The following ITIH2 variants were observed in gnomAD, a reference collection of about 807,000 sequenced individuals.
ITIH2 encodes the protein inter-alpha-trypsin inhibitor heavy chain 2, also known as inter-alpha-trypsin inhibitor heavy chain H2.
A neutral mutation model predicts 104.4 loss-of-function variants in ITIH2; 103 were observed. The observed-to-expected ratio is 0.99, with a 90% CI of 0.84 to 1.16. The LOEUF is 1.16. ITIH2 is among the 50% of genes most tolerant of loss of function. The pLI, the probability that ITIH2 is intolerant of heterozygous loss-of-function variation, is 0.00. For synonymous variants in ITIH2, 436 were observed against 435.4 expected (o/e 1.00, Z -0.02); for missense variants, 1,108 against 1,162.4 (o/e 0.95, Z 0.68).
Position 7,705,966 on chromosome 10 carries a change from G to A in ITIH2, c.159+784G>A, listed in dbSNP as rs137883039. Among the ~76,000 whole-genome samples, 221 of 152,230 alleles carry A rather than the reference G, an allele frequency of 1.5e-3. 1 individual carries two copies. Among genetic ancestry groups the A allele is most frequent in the African/African-American group, 5.2e-3 (214 of 41,546 alleles). On this transcript the variant is annotated intron_variant, in intron 2 of 20. Coordinates refer to ENST00000358415, the MANE Select transcript of ITIH2 (RefSeq NM_002216.3). ...TAGACAAAACCCTCTAATTAAGGGG[G>A]TGAGTTTTCCAGAACACCAGGAAGG...
chr10:7,729,175 G>A (rs1344205495), intron 11 of ITIH2, among the ~76,000 whole-genome samples: 1 of 152,082 alleles, frequency 6.6e-6, no homozygotes, highest in Admixed American at 6.5e-5. Context: ...TAGCCTGACA[G>A]GGCGGCGTGT....
Position 7,744,902 on chromosome 10 carries a change from C to T in ITIH2, c.2520C>T (p.Asp840=). 1 of 1,614,132 alleles carries T rather than the reference C, an allele frequency of 6.2e-7. No homozygotes were observed. The highest frequency in any genetic ancestry group is 8.5e-7 in the Non-Finnish European group (1 of 1,179,992). The change falls in exon 19 of 21, where the codon GAC becomes GAT. Residue 840 remains aspartate, a synonymous_variant. Coordinates refer to ENST00000358415, the MANE Select transcript of ITIH2 (RefSeq NM_002216.3). ...GGAAGAAGCATCCCGTCAATGTTGACTTTCTGGGAATCTACATACCCCCTA... is the reference window on the plus strand; with the variant it reads ...GGAAGAAGCATCCCGTCAATGTTGATTTTCTGGGAATCTACATACCCCCTA... The part of the protein sequence containing the change: ...RVWKKHPVNV[D]FLGIYIPPTN...
intron 2 of ITIH2, among the ~76,000 whole-genome samples, chr10:7,705,830 C>T (rs1431497720): frequency 6.6e-6 from 1 of 151,998 alleles, no homozygotes; most frequent in Non-Finnish European, 1.5e-5. Flanking sequence ...CGATGACAGA[C>T]ACTCCCCCTT....
At chr10:7,741,928 G>A (rs1175473613) in intron 16 of ITIH2, among the ~76,000 whole-genome samples, 3 of 151,940 alleles carry the variant, frequency 2.0e-5, no homozygotes, top group Admixed American at 6.6e-5. Context: ...GTCTTTCCCC[G>A]CTGTCCTCTG....
Position 7,744,149 on chromosome 10 carries a change from T to C in ITIH2, c.2277T>C (p.Phe759=). 6.2e-7 allele frequency: 1 copy of C among 1,614,110 alleles called. No individual in the cohort carries two copies. The highest frequency in any genetic ancestry group is 2.2e-5 in the East Asian group (1 of 44,890). The part of the protein sequence containing the change: ...KPNNGKLSTY[F]GKLGFYFQSE... ...ACAATGGAAAACTAAGCACCTATTT[T>C]GGAAAACTGGGATTTTATTTCCAAA... The change falls in exon 18 of 21, where the codon TTT becomes TTC. Residue 759 remains phenylalanine, a synonymous_variant. Transcript: ENST00000358415.
intron 13 of ITIH2, 23 bp from the exon 14 acceptor site, chr10:7,732,315 C>T (rs373650615): frequency 6.2e-7 from 1 of 1,607,206 alleles, no homozygotes; most frequent in African/African-American, 1.3e-5. Context: ...CAGTGTCTCT[C>T]AACTGAACCT....
chr10:7,715,449 G>A (rs1834838718), intron 5 of ITIH2, among the ~76,000 whole-genome samples: 1 of 151,610 alleles, frequency 6.6e-6, no homozygotes, highest in Non-Finnish European at 1.5e-5. Context: ...TGCCATCTTT[G>A]TCCATCATTT....
intron 1 of ITIH2, among the ~76,000 whole-genome samples, chr10:7,704,207 G>A (rs1834724067): frequency 6.6e-6 from 1 of 152,298 alleles, no homozygotes; most frequent in Non-Finnish European, 1.5e-5. Context: ...CATGTTATGG[G>A]AACATCCCAG....
chr10:7,706,251 C>A (rs1834746408), intron 2 of ITIH2, among the ~76,000 whole-genome samples: 1 of 152,130 alleles, frequency 6.6e-6, no homozygotes, highest in African/African-American at 2.4e-5. Flanking sequence ...CAACCATTGA[C>A]CTCACCATGT....
chr10:7,724,460 C>T (rs974640088), intron 9 of ITIH2, among the ~76,000 whole-genome samples: 2 of 150,176 alleles, frequency 1.3e-5, no homozygotes, highest in African/African-American at 4.9e-5. Flanking sequence ...ATCCCAGCTA[C>T]TCGGGAGGCT....
chr10:7,743,240 G>A lies in ITIH2; in HGVS notation c.2190G>A (p.Leu730=). 1.3e-6 allele frequency: 2 copies of A among 1,571,910 alleles called. No homozygotes were observed. Among genetic ancestry groups the A allele is most frequent in the Non-Finnish European group, 8.7e-7 (1 of 1,153,564 alleles). Reference sequence around the variant, plus strand: ...CAGAACCTGGAAAAATCCTCAACCTGGTTTCTGACCCAGAATCAGGTAAAA... The same window carrying A: ...CAGAACCTGGAAAAATCCTCAACCTAGTTTCTGACCCAGAATCAGGTAAAA... ...IDSEPGKILN[L]VSDPESGIVV... is the part of the protein sequence containing the mutation. Residue 730 remains leucine, a synonymous_variant, in exon 17 of 21, where the codon CTG becomes CTA. Transcript: ENST00000358415.
intron 11 of ITIH2, among the ~76,000 whole-genome samples, chr10:7,728,904 G>C (rs1834975128): frequency 6.6e-6 from 1 of 152,156 alleles, no homozygotes; most frequent in Non-Finnish European, 1.5e-5. Flanking sequence ...AACGAGACTA[G>C]AATGAGCCAG....
chr10:7,716,000 T>C (rs770769738), intron 5 of ITIH2, among the ~76,000 whole-genome samples: 1 of 151,886 alleles, frequency 6.6e-6, no homozygotes, highest in Non-Finnish European at 1.5e-5. Flanking sequence ...GCAGCTGGGA[T>C]TATAGGCACC....
At chr10:7,715,610 CTGTCTCAAAGCTT>C (rs1342112187) in intron 5 of ITIH2, among the ~76,000 whole-genome samples, 1 of 152,202 alleles carries the variant, frequency 6.6e-6, no homozygotes, top group East Asian at 1.9e-4. Flanking sequence ...ACTGCAGGCT[CTGTCTCAAAGCTT>C]TGCACGAGGC....
At chr10:7,729,859 G>A in intron 11 of ITIH2, 93 bp from the exon 12 acceptor site, 1 of 770,172 alleles carries the variant, frequency 1.3e-6, no homozygotes, top group South Asian at 2.2e-5. Context: ...TTTTAATCTG[G>A]ACACACTTTA....
intron 17 of ITIH2, 122 bp from the exon 18 acceptor site, chr10:7,743,960 C>T (rs1220583589): frequency 2.1e-5 from 12 of 582,002 alleles, no homozygotes; most frequent in Admixed American, 3.5e-5. Flanking sequence ...TAATGTAAAT[C>T]TTGAAGCAAA....
chr10:7,724,434 G>T (rs1193155771), intron 9 of ITIH2, among the ~76,000 whole-genome samples: 1 of 152,100 alleles, frequency 6.6e-6, no homozygotes, highest in South Asian at 2.1e-4. Context: ...GCCAGGCGTG[G>T]TGGTGCATGC....
In ITIH2 at chr10:7,735,067, C is replaced by T. The variant is rs145252859; in HGVS notation, c.1933C>T (p.Pro645Ser). 139 of 1,610,472 alleles carry T rather than the reference C, an allele frequency of 8.6e-5. No individual in the cohort carries two copies. In the Middle Eastern group the frequency reaches 1.3e-3, roughly 15 times the overall value. Residue 645 changes from proline (P) to serine (S), a missense_variant, in exon 15 of 21, where the codon CCG (proline) becomes TCG (serine). Pro to Ser is a moderately conservative substitution (Grantham distance 74, BLOSUM62 -1). Transcript: ENST00000358415. Reference protein sequence around the residue: ...GDERMLADAPPQDPSCCSGAL... With the variant: ...GDERMLADAPSQDPSCCSGAL... Reference sequence around the variant, plus strand: ...TGAGCGCATGCTGGCGGATGCCCCACCGCAGGATCCCTCCTGCTGCTCAGG... The same window carrying T: ...TGAGCGCATGCTGGCGGATGCCCCATCGCAGGATCCCTCCTGCTGCTCAGG...
intron 11 of ITIH2, among the ~76,000 whole-genome samples, chr10:7,728,041 G>A (rs1031072547): frequency 6.6e-6 from 1 of 152,176 alleles, no homozygotes; most frequent in East Asian, 1.9e-4. Flanking sequence ...GAATGCCTCA[G>A]TTCCACCTCC....
Sources: gnomAD v4.1 joint callset for allele counts (sites outside exome capture counted in the v4.1 genomes callset) on GRCh38, gnomAD v4.1.1 for gene constraint, MANE v1.5 for transcripts, NCBI Gene and HGNC (gene_info 2026-07-23, HGNC 2026-07-21) for gene names.